Variants in SMG6 observed in about 807,000 individuals in gnomAD.
The protein encoded by SMG6 is telomerase-binding protein EST1A.
A neutral mutation model predicts 142.2 loss-of-function variants in SMG6; 66 were observed. The ratio of observed to expected loss-of-function variants is 0.46; its 90% CI spans 0.38 to 0.57. The LOEUF is 0.57. Among genes scored for constraint, SMG6 ranks in the 20% least tolerant of loss-of-function variants. The pLI is 0.00. For synonymous variants in SMG6, 779 were observed against 702.4 expected (o/e 1.11, Z -1.72); for missense variants, 1,793 against 1,832.0 (o/e 0.98, Z 0.39).
chr17:2,275,098 GTT>G (rs1031028903), intron 8 of SMG6, among the ~76,000 whole-genome samples: 1 of 152,054 alleles, frequency 6.6e-6, no homozygotes, highest in Non-Finnish European at 1.5e-5. Context: ...CTGAGGAAGT[GTT>G]TTAAGGGTTG....
intron 13 of SMG6, among the ~76,000 whole-genome samples, chr17:2,169,497 G>C (rs982126999): frequency 6.6e-6 from 1 of 152,122 alleles, no homozygotes; most frequent in Admixed American, 6.5e-5. Context: ...TATATGATGT[G>C]GCCAGGGAAG....
intron 9 of SMG6, among the ~76,000 whole-genome samples, chr17:2,238,282 C>T (rs1348918459): frequency 1.3e-5 from 2 of 152,164 alleles, no homozygotes; most frequent in Non-Finnish European, 2.9e-5. Flanking sequence ...TTCATTGGCA[C>T]AAAAGATGCC....
intron 9 of SMG6, among the ~76,000 whole-genome samples, chr17:2,242,023 A>G (rs926749061): frequency 2.6e-5 from 4 of 152,150 alleles, no homozygotes; most frequent in Admixed American, 1.3e-4. Flanking sequence ...GCTGCCAAGT[A>G]TCCTACAACG....
intron 15 of SMG6, among the ~76,000 whole-genome samples, chr17:2,074,005 G>A (rs2151410910): frequency 6.6e-6 from 1 of 152,044 alleles, no homozygotes; most frequent in South Asian, 2.1e-4. Flanking sequence ...CTTAAACCCG[G>A]GAGGCAGCGG....
At chr17:2,112,207 TAAAA>T (rs879430499) in intron 13 of SMG6, among the ~76,000 whole-genome samples, 1 of 143,692 alleles carries the variant, frequency 7.0e-6, no homozygotes, top group African/African-American at 2.5e-5. Flanking sequence ...GCTTCCCTCT[TAAAA>T]AAAAAAAAGT....
chr17:2,193,693 G>C (rs1213161795), intron 10 of SMG6, among the ~76,000 whole-genome samples: 2 of 152,182 alleles, frequency 1.3e-5, no homozygotes, highest in African/African-American at 4.8e-5. Context: ...AAGACAGGAA[G>C]AATACATACC....
rs371931978 is a variant in SMG6, at chr17:2,262,681, T to C, written c.2662-17962A>G. On this transcript the variant is annotated intron_variant, in intron 8 of 18. Transcript: ENST00000263073. ...GTTAATCTCTTTTACCTCTGTCCAG[T>C]GTATATATTTCTATTATTACATTTA... Among the ~76,000 whole-genome samples, 9 of 152,374 alleles carry C rather than the reference T, an allele frequency of 5.9e-5. No individual in the cohort carries two copies. The South Asian group carries it at 8.3e-4, about 14-fold the overall frequency.
At chr17:2,219,209 G>C (rs1363176825) in intron 10 of SMG6, among the ~76,000 whole-genome samples, 1 of 151,648 alleles carries the variant, frequency 6.6e-6, no homozygotes, top group Non-Finnish European at 1.5e-5. Flanking sequence ...ACAAGACAAA[G>C]CCCCATCTCT....
chr17:2,205,398 A>C (rs2072648502), intron 10 of SMG6, among the ~76,000 whole-genome samples: 1 of 152,142 alleles, frequency 6.6e-6, no homozygotes, highest in African/African-American at 2.4e-5. Flanking sequence ...ATCTAATTTT[A>C]AACTAGATTA....
intron 13 of SMG6, among the ~76,000 whole-genome samples, chr17:2,096,633 G>A (rs964086873): frequency 3.3e-5 from 5 of 151,960 alleles, no homozygotes; most frequent in Non-Finnish European, 5.9e-5. Context: ...GGTGTGAGCC[G>A]CCCATCCCAG....
Position 2,081,800 on chromosome 17 carries a change from C to T in SMG6, c.3681+10G>A. 6.2e-7 allele frequency: 1 copy of T among 1,612,458 alleles called. No homozygotes were observed. On this transcript the variant is annotated intron_variant, in intron 15 of 18. Coordinates refer to ENST00000263073, the MANE Select transcript of SMG6 (RefSeq NM_017575.5). The stretch of plus-strand genomic sequence containing the variant: ...CATAGTGGGAACCACGCTCCCCAGG[C>T]CGACTTCACCTGGATCTTTTCCTGG...
At chr17:2,188,608 C>T in intron 10 of SMG6, 93 bp from the exon 11 acceptor site, 1 of 1,063,330 alleles carries the variant, frequency 9.4e-7, no homozygotes, top group Non-Finnish European at 1.4e-6. Flanking sequence ...TCACTGAAGA[C>T]TAGGGCTAGT....
chr17:2,179,342 A>T (rs375716155), intron 12 of SMG6, among the ~76,000 whole-genome samples: 5 of 152,300 alleles, frequency 3.3e-5, no homozygotes, highest in African/African-American at 1.2e-4. Context: ...TTCTTATTTC[A>T]GAGCTGCCCT....
At chr17:2,170,723 G>C (rs2071478047) in intron 13 of SMG6, among the ~76,000 whole-genome samples, 1 of 152,202 alleles carries the variant, frequency 6.6e-6, no homozygotes, top group African/African-American at 2.4e-5. Context: ...TGCATCCAAA[G>C]AGTATGAGTT....
chr17:2,082,099 C>T, intron 14 of SMG6, 143 bp from the exon 15 acceptor site: 2 of 774,188 alleles, frequency 2.6e-6, no homozygotes, highest in Non-Finnish European at 2.1e-6. Context: ...GTGTGTGCTT[C>T]CCTCTACTCA....
At chr17:2,169,311 TA>T (rs879584928) in intron 13 of SMG6, among the ~76,000 whole-genome samples, 744 of 136,522 alleles carry the variant, frequency 5.4e-3, no homozygotes, top group Non-Finnish European at 5.8e-3. Flanking sequence ...ACTCATCTCT[TA>T]AAAAAAAAAA....
chr17:2,226,703 T>C (rs1226806143), intron 10 of SMG6, among the ~76,000 whole-genome samples: 1 of 152,058 alleles, frequency 6.6e-6, no homozygotes, highest in East Asian at 1.9e-4. Context: ...GAGACCAGCC[T>C]TGCCAACATG....
intron 12 of SMG6, among the ~76,000 whole-genome samples, chr17:2,175,934 C>G (rs901840308): frequency 6.6e-6 from 1 of 152,152 alleles, no homozygotes; most frequent in Admixed American, 6.5e-5. Context: ...TCAGTTATCT[C>G]CTTTCATCGA....
chr17:2,287,394 T>G (rs998039509), intron 6 of SMG6, among the ~76,000 whole-genome samples: 2 of 152,282 alleles, frequency 1.3e-5, no homozygotes, highest in South Asian at 2.1e-4. Context: ...ATGCAGAAAA[T>G]AACAAGTGTT....
Sources: gnomAD v4.1 joint callset for allele counts (sites outside exome capture counted in the v4.1 genomes callset) on GRCh38, gnomAD v4.1.1 for gene constraint, MANE v1.5 for transcripts, NCBI Gene and HGNC (gene_info 2026-07-23, HGNC 2026-07-21) for gene names.